ADAM2: variants seen among roughly 807,000 people sequenced by gnomAD.
ADAM2 encodes the protein disintegrin and metalloproteinase domain-containing protein 2.
ADAM2 carries 101 observed loss-of-function variants against 99.3 expected under a neutral mutation model. The observed-to-expected ratio is 1.02, with a 90% CI of 0.87 to 1.20. The LOEUF (loss-of-function observed/expected upper bound fraction) is 1.20. Ranked by LOEUF, ADAM2 falls within the 50% of genes most tolerant of loss-of-function variation. The probability of loss-of-function intolerance (pLI) is 0.00; values close to 1 mark genes in which losing one functional copy is unlikely to be tolerated. For missense variants in ADAM2, 948 were observed against 878.7 expected (o/e 1.08, Z -1.00); for synonymous variants, 323 against 287.6 (o/e 1.12, Z -1.25).
chr8:39,837,362 T>G (rs1304485977), intron 1 of ADAM2, 150 bp from the exon 2 acceptor site: 4 of 549,588 alleles, frequency 7.3e-6, no homozygotes, highest in African/African-American at 6.0e-5. Flanking sequence ...TACAAGGAGG[T>G]TTTTTTTTCT....
chr8:39,760,094 T>C (rs903943604), intron 15 of ADAM2, among the ~76,000 whole-genome samples: 4 of 152,172 alleles, frequency 2.6e-5, no homozygotes, highest in African/African-American at 9.6e-5. Context: ...CTCTAACTCC[T>C]AACCTCAGGT....
intron 7 of ADAM2, among the ~76,000 whole-genome samples, chr8:39,789,370 A>G (rs1803605204): frequency 1.3e-5 from 2 of 151,802 alleles, no homozygotes; most frequent in African/African-American, 4.8e-5. Context: ...ACAAAATTAT[A>G]AGGCAATAGA....
chr8:39,764,992 C>A (rs7836169), intron 14 of ADAM2, among the ~76,000 whole-genome samples: 71,137 of 151,510 alleles, frequency 0.47, 17,049 homozygotes, highest in South Asian at 0.67. Flanking sequence ...CACTGCACTC[C>A]AGCCTGAGCG....
chr8:39,826,059 CT>C (rs1805384282), intron 3 of ADAM2, among the ~76,000 whole-genome samples: 1 of 152,070 alleles, frequency 6.6e-6, no homozygotes, highest in African/African-American at 2.4e-5. Context: ...TCCTTCATTT[CT>C]TTTAAGAATG....
intron 8 of ADAM2, 26 bp downstream of exon 8, chr8:39,788,643 A>C (rs764961112): frequency 2.0e-6 from 3 of 1,518,258 alleles, no homozygotes; most frequent in East Asian, 2.4e-5. Flanking sequence ...CAAGAAGTGC[A>C]AAAGTACTAA....
At chr8:39,799,266 T>A (rs1416920043) in intron 7 of ADAM2, among the ~76,000 whole-genome samples, 1 of 152,188 alleles carries the variant, frequency 6.6e-6, no homozygotes, top group Non-Finnish European at 1.5e-5. Context: ...TCCAAGAACT[T>A]CTTGATTTCT....
intron 14 of ADAM2, among the ~76,000 whole-genome samples, chr8:39,761,990 A>G (rs1403083831): frequency 2.0e-5 from 3 of 152,232 alleles, no homozygotes; most frequent in Non-Finnish European, 2.9e-5. Flanking sequence ...AGGCTGAGGC[A>G]GGAGAATGGC....
In ADAM2 at chr8:39,788,137, A is replaced by G. The variant is rs750593670; in HGVS notation, c.757T>C (p.Trp253Arg). 6 of 1,582,116 alleles carry G rather than the reference A, an allele frequency of 3.8e-6. No homozygotes were observed. The South Asian group carries it at 4.7e-5, about 12-fold the overall frequency. ...ANELLHTFLR[W>R]KTSYLVLRPH... ...CGTAAAACAAGATAAGATGTTTTCC[A>G]TCTTAAAAATGTGTGTAATAACTCA... Residue 253 changes from tryptophan (W) to arginine (R), a missense_variant, in exon 9 of 21, where the codon TGG becomes CGG. By Grantham distance (101) the Trp-to-Arg change is moderately radical (BLOSUM62 -3). Transcript: ENST00000265708.
intron 3 of ADAM2, among the ~76,000 whole-genome samples, chr8:39,826,620 G>A (rs560887477): frequency 1.2e-4 from 19 of 152,112 alleles, no homozygotes; most frequent in African/African-American, 4.3e-4. Context: ...CTACTTGGGA[G>A]GCTGAGGCAG....
intron 19 of ADAM2, 95 bp downstream of exon 19, chr8:39,746,377 G>T (rs1823461782): frequency 2.4e-6 from 2 of 840,454 alleles, no homozygotes; most frequent in Non-Finnish European, 1.8e-6. Flanking sequence ...GACAATAATT[G>T]AATTTGAATT....
intron 11 of ADAM2, among the ~76,000 whole-genome samples, chr8:39,772,808 C>A (rs1038109355): frequency 2.6e-5 from 4 of 151,716 alleles, no homozygotes; most frequent in African/African-American, 9.7e-5. Flanking sequence ...AATCCATAAT[C>A]AAAACATCAA....
Position 39,838,136 on chromosome 8 carries a change from T to C in ADAM2, c.50A>G (p.Asp17Gly), listed in dbSNP as rs1805915984. Reference protein sequence around the residue: ...LLSGLGGLRMDSNFDSLPVQI... With the variant: ...LLSGLGGLRMGSNFDSLPVQI... The stretch of plus-strand genomic sequence containing the variant: ...GGAGGGGTTTTTCTGCTTACTACTG[T>C]CCATCCGCAGCCCGCCGAGCCCGCT... The change falls in exon 1 of 21, where the codon GAC becomes GGC. Residue 17 changes from aspartate (D) to glycine (G), a missense_variant. Physicochemically the swap from Asp to Gly is moderately conservative, Grantham distance 94. Transcript: ENST00000265708. The C allele has an allele frequency of 6.2e-7, 1 of 1,613,994 alleles. No individual in the cohort carries two copies. The highest frequency in any genetic ancestry group is 8.5e-7 in the Non-Finnish European group (1 of 1,179,990).
chr8:39,745,209 T>C (rs1443110607), intron 19 of ADAM2, among the ~76,000 whole-genome samples: 1 of 152,218 alleles, frequency 6.6e-6, no homozygotes, highest in East Asian at 1.9e-4. Context: ...TTCAACCCTA[T>C]TAATTTCTAT....
chr8:39,744,825 C>A lies in ADAM2; in HGVS notation c.*30+5G>T. ...ATAAATTTTAAAAAAATGAAAGAAA[C>A]TCACAGTGATATCATGGCATCTCTG... On this transcript the variant is annotated splice_donor_5th_base_variant and intron_variant, in intron 20 of 20. Coordinates refer to ENST00000265708, the MANE Select transcript of ADAM2 (RefSeq NM_001464.5). 6.4e-7 allele frequency: 1 copy of A among 1,565,456 alleles called. No homozygotes were observed. The highest frequency in any genetic ancestry group is 8.7e-7 in the Non-Finnish European group (1 of 1,154,658).
Position 39,749,240 on chromosome 8 carries a change from T to C in ADAM2, c.2014+72A>G. The stretch of plus-strand genomic sequence containing the variant: ...TCTAGATATAAATTGGTAGACAAAA[T>C]ATTATTTGTTATCCAATTTAATAAA... On this transcript the variant is annotated intron_variant, in intron 18 of 20. Transcript: ENST00000265708. The C allele has an allele frequency of 2.2e-6, 3 of 1,361,772 alleles. No individual in the cohort carries two copies. The South Asian group carries it at 4.1e-5, about 18-fold the overall frequency. The allele number at this position is 1,361,772 out of a possible 1,614,324, so 84.4% of individuals were successfully genotyped here. A position where few individuals can be genotyped will look rare whatever the true frequency, so the allele number is the denominator to read the frequency against.
chr8:39,770,588 T>C (rs561458442), intron 11 of ADAM2, among the ~76,000 whole-genome samples: 2 of 152,332 alleles, frequency 1.3e-5, no homozygotes, highest in South Asian at 4.1e-4. Flanking sequence ...TTGTAAAAGA[T>C]TTTAAAATTA....
intron 10 of ADAM2, among the ~76,000 whole-genome samples, chr8:39,778,245 G>T (rs1473706226): frequency 4.6e-5 from 7 of 151,802 alleles, no homozygotes; most frequent in South Asian, 2.1e-4. Flanking sequence ...TATACATTTT[G>T]ATTTCTTCTG....
chr8:39,817,342 G>A (rs1210046207), intron 6 of ADAM2, among the ~76,000 whole-genome samples: 1 of 152,088 alleles, frequency 6.6e-6, no homozygotes, highest in African/African-American at 2.4e-5. Flanking sequence ...AAGGGTCAGG[G>A]GAGGAACGGA....
At chr8:39,833,400 T>A (rs909453578) in intron 3 of ADAM2, among the ~76,000 whole-genome samples, 1 of 152,140 alleles carries the variant, frequency 6.6e-6, no homozygotes, top group East Asian at 1.9e-4. Flanking sequence ...TCTGTTCTTA[T>A]CACTAGAAGA....
Sources: allele counts gnomAD v4.1 joint callset (sites outside exome capture counted in the v4.1 genomes callset), GRCh38; gene constraint gnomAD v4.1.1; transcripts MANE v1.5; gene names NCBI Gene and HGNC (gene_info 2026-07-23, HGNC 2026-07-21).